The following LIMCH1 variants were observed in gnomAD, a reference collection of about 807,000 sequenced individuals.
LIMCH1 encodes LIM and calponin homology domains 1, also known as LIM and calponin homology domains-containing protein 1.
In LIMCH1, 113 loss-of-function variants were observed where a neutral mutation model predicts 176.5. That is an observed-to-expected ratio of 0.64 (90% confidence interval 0.55 to 0.75). The LOEUF is 0.75. Ranked by LOEUF, LIMCH1 falls within the 30% of genes least tolerant of loss-of-function variation. LIMCH1 has a pLI of 0.00. For synonymous variants in LIMCH1, 619 were observed against 645.9 expected (o/e 0.96, Z 0.63); for missense variants, 1,674 against 1,814.9 (o/e 0.92, Z 1.41).
intron 2 of LIMCH1, among the ~76,000 whole-genome samples, chr4:41,519,691 C>G (rs768278951): frequency 1.3e-5 from 2 of 152,168 alleles, no homozygotes; most frequent in Non-Finnish European, 2.9e-5. Flanking sequence ...ACTAAAATAG[C>G]TTGCAGTTAC....
chr4:41,494,325 A>G (rs1417783786), intron 1 of LIMCH1, among the ~76,000 whole-genome samples: 1 of 149,472 alleles, frequency 6.7e-6, no homozygotes, highest in Non-Finnish European at 1.5e-5. Context: ...ACACACATAC[A>G]TATATATACA....
intron 1 of LIMCH1, among the ~76,000 whole-genome samples, chr4:41,456,904 G>A (rs2064678148): frequency 1.3e-5 from 2 of 152,144 alleles, no homozygotes; most frequent in African/African-American, 2.4e-5. Context: ...GCCTCTCCAT[G>A]TGGCCCGGGC....
Position 41,530,776 on chromosome 4 carries a change from C to T in LIMCH1, c.237+6298C>T, listed in dbSNP as rs547801702. Among the ~76,000 whole-genome samples, 733 of 90,072 alleles carry T rather than the reference C, an allele frequency of 8.1e-3. 7 individuals carry two copies. The highest frequency in any genetic ancestry group is 0.031 in the African/African-American group (693 of 22,170). 59.1% of individuals were successfully genotyped at this position (90,072 alleles called of 152,430 possible). A position where few individuals can be genotyped will look rare whatever the true frequency, so the allele number is the denominator to read the frequency against. ...TGCCATTGCACTCCAGCCGGGGCTACAAGAGCGAAACCCCGCCTAAAAAAA... is the reference window on the plus strand; with the variant it reads ...TGCCATTGCACTCCAGCCGGGGCTATAAGAGCGAAACCCCGCCTAAAAAAA... On this transcript the variant is annotated intron_variant, in intron 3 of 26. Transcript: ENST00000313860.
chr4:41,660,120 A>G (rs2094570982), intron 18 of LIMCH1, among the ~76,000 whole-genome samples: 2 of 152,188 alleles, frequency 1.3e-5, no homozygotes, highest in Admixed American at 1.3e-4. Context: ...AATCATATAC[A>G]TGTAAACATC....
At chr4:41,590,287 C>T (rs764954555) in intron 1 of LIMCH1, among the ~76,000 whole-genome samples, 31 of 152,144 alleles carry the variant, frequency 2.0e-4, no homozygotes, top group East Asian at 5.8e-4. Context: ...GATAAGGTTT[C>T]GCCACATTGC....
At chr4:41,552,013 G>A (rs2152517826) in intron 1 of LIMCH1, among the ~76,000 whole-genome samples, 1 of 152,290 alleles carries the variant, frequency 6.6e-6, no homozygotes, top group Admixed American at 6.5e-5. Flanking sequence ...GCATGGCTGG[G>A]GAGGCCTCAC....
intron 1 of LIMCH1, among the ~76,000 whole-genome samples, chr4:41,543,417 A>G (rs1377722983): frequency 6.6e-6 from 1 of 152,208 alleles, no homozygotes; most frequent in Non-Finnish European, 1.5e-5. Flanking sequence ...ACTTACATTT[A>G]AGAAAATTGG....
intron 22 of LIMCH1, among the ~76,000 whole-genome samples, chr4:41,675,088 A>G (rs149375619): frequency 1.4e-4 from 21 of 152,322 alleles, no homozygotes; most frequent in African/African-American, 4.6e-4. Flanking sequence ...CATCCCAATC[A>G]ATTGCAGGAA....
intron 1 of LIMCH1, among the ~76,000 whole-genome samples, chr4:41,587,257 G>A (rs1188126316): frequency 6.6e-6 from 1 of 152,100 alleles, no homozygotes; most frequent in Non-Finnish European, 1.5e-5. Context: ...TCTGCCCTAG[G>A]GAGTCTCATT....
At position 41,591,527 on chromosome 4, in the gene LIMCH1, A is replaced by T. The variant is rs144279079; in HGVS notation, c.-240-7393A>T. Among the ~76,000 whole-genome samples, 329 of 152,304 alleles carry T rather than the reference A, an allele frequency of 2.2e-3. 7 individuals are homozygous for T. In the East Asian group the frequency reaches 0.05, roughly 23 times the overall value. On this transcript the variant is annotated intron_variant, in intron 1 of 31. Coordinates refer to ENST00000503057, the MANE Select transcript of LIMCH1 (RefSeq NM_001330672.2). ...TCAAAGCACTGGCAGTACAAGTGTG[A>T]CCCACTGCACCTGGGCCTTACTAAG...
chr4:41,362,023 G>A (rs1374818095), intron 1 of LIMCH1, among the ~76,000 whole-genome samples: 1 of 152,122 alleles, frequency 6.6e-6, no homozygotes, highest in Non-Finnish European at 1.5e-5. Flanking sequence ...GTCACTTAGT[G>A]ACTCCCCACT....
chr4:41,592,795 G>A (rs2087892677), intron 1 of LIMCH1, among the ~76,000 whole-genome samples: 1 of 152,106 alleles, frequency 6.6e-6, no homozygotes, highest in Admixed American at 6.5e-5. Context: ...GACAAGGCTG[G>A]GATTCTAACT....
intron 1 of LIMCH1, among the ~76,000 whole-genome samples, chr4:41,410,930 G>A (rs2059422313): frequency 6.6e-6 from 1 of 152,116 alleles, no homozygotes; most frequent in South Asian, 2.1e-4. Context: ...AGCCCATCCG[G>A]ATAAATGAAC....
At chr4:41,406,377 A>T (rs917570983) in intron 1 of LIMCH1, among the ~76,000 whole-genome samples, 10 of 152,246 alleles carry the variant, frequency 6.6e-5, no homozygotes, top group Middle Eastern at 6.8e-3. Flanking sequence ...AGCTGTAGTG[A>T]TGTCATCAGA....
chr4:41,543,112 T>C (rs970608784), intron 1 of LIMCH1, among the ~76,000 whole-genome samples: 2 of 152,188 alleles, frequency 1.3e-5, no homozygotes, highest in East Asian at 1.9e-4. Flanking sequence ...CATGGAACTA[T>C]GTCTAAGAGA....
intron 1 of LIMCH1, among the ~76,000 whole-genome samples, chr4:41,367,133 A>G (rs2053136244): frequency 6.6e-6 from 1 of 152,198 alleles, no homozygotes; most frequent in Non-Finnish European, 1.5e-5. Context: ...ATCTCCCTGC[A>G]GGCTCCCTGT....
chr4:41,464,660 T>C (rs893628848), intron 1 of LIMCH1, among the ~76,000 whole-genome samples: 3 of 152,120 alleles, frequency 2.0e-5, no homozygotes, highest in African/African-American at 7.2e-5. Flanking sequence ...AGGCGTGAAC[T>C]ACCAGGCCTG....
intron 1 of LIMCH1, among the ~76,000 whole-genome samples, chr4:41,552,697 T>C (rs2080636393): frequency 6.6e-6 from 1 of 152,256 alleles, no homozygotes; most frequent in African/African-American, 2.4e-5. Flanking sequence ...GCTGTCCTTT[T>C]TTCAGGAGCT....
chr4:41,422,734 G>A (rs1194261990), intron 1 of LIMCH1, among the ~76,000 whole-genome samples: 1 of 151,960 alleles, frequency 6.6e-6, no homozygotes, highest in African/African-American at 2.4e-5. Context: ...TAGCAGATAC[G>A]GACATTTCTT....
Sources: allele counts gnomAD v4.1 joint callset (sites outside exome capture counted in the v4.1 genomes callset), GRCh38; gene constraint gnomAD v4.1.1; transcripts MANE v1.5; gene names NCBI Gene and HGNC (gene_info 2026-07-23, HGNC 2026-07-21).